UPF2: variants seen among roughly 807,000 people sequenced by gnomAD.
UPF2 encodes the protein regulator of nonsense transcripts 2.
Under a neutral mutation model 141.4 loss-of-function variants are expected in UPF2, and 17 were observed. The ratio of observed to expected loss-of-function variants is 0.12; its 90% CI spans 0.08 to 0.18. The LOEUF is 0.18. Ranked by LOEUF, UPF2 falls within the 10% of genes least tolerant of loss-of-function variation. The pLI, the probability that UPF2 is intolerant of heterozygous loss-of-function variation, is 1.00. For missense variants in UPF2, 1,152 were observed against 1,515.9 expected (o/e 0.76, Z 3.99); for synonymous variants, 540 against 498.0 (o/e 1.08, Z -1.12).
intron 17 of UPF2, 52 bp downstream of exon 17, chr10:11,943,012 A>G: frequency 7.6e-7 from 1 of 1,308,954 alleles, no homozygotes; most frequent in Non-Finnish European, 1.1e-6. Flanking sequence ...AAATTCAAAT[A>G]CTATAAAAAT....
intron 8 of UPF2, among the ~76,000 whole-genome samples, chr10:11,983,578 T>A (rs1833635968): frequency 6.6e-6 from 1 of 152,164 alleles, no homozygotes; most frequent in Admixed American, 6.5e-5. Flanking sequence ...TTCACTGTAT[T>A]AGCCAGGATG....
chr10:11,981,470 A>T (rs1588550863), intron 8 of UPF2, among the ~76,000 whole-genome samples: 1 of 152,324 alleles, frequency 6.6e-6, no homozygotes, highest in Non-Finnish European at 1.5e-5. Flanking sequence ...TACCGCAATA[A>T]TTTTTTAAAA....
rs538512425 is a variant in UPF2 at position 12,019,886 on chromosome 10, G to A, written c.1146-5702C>T. Reference sequence around the variant, plus strand: ...ATTACAGGAGCCTGCCACCACACCCGGCTAATTTTTGTATTTTTAGTAGAG... The same window carrying A: ...ATTACAGGAGCCTGCCACCACACCCAGCTAATTTTTGTATTTTTAGTAGAG... On this transcript the variant is annotated intron_variant, in intron 3 of 21. Transcript: ENST00000357604. This position sits in a 1 kb window ranked among gnomAD's most constrained non-coding sequence, Gnocchi z 4.5. Among the ~76,000 whole-genome samples the A allele has an allele frequency of 7.6e-4, 116 of 152,084 alleles. 1 individual carries two copies. The highest frequency in any genetic ancestry group is 1.9e-3 in the African/African-American group (78 of 41,500).
intron 3 of UPF2, among the ~76,000 whole-genome samples, chr10:12,020,778 T>C (rs915393762): frequency 1.3e-5 from 2 of 152,242 alleles, no homozygotes; most frequent in Admixed American, 6.5e-5. Flanking sequence ...AGCACAGAGA[T>C]GCCAGGTAAC....
At chr10:11,925,602 G>A (rs1303001378) in intron 21 of UPF2, among the ~76,000 whole-genome samples, 1 of 152,286 alleles carries the variant, frequency 6.6e-6, no homozygotes, top group Non-Finnish European at 1.5e-5. Flanking sequence ...ATAGAGACAA[G>A]CTAAGCGGCA....
At chr10:11,951,990 G>T in intron 15 of UPF2, 76 bp downstream of exon 15, 2 of 1,440,078 alleles carry the variant, frequency 1.4e-6, no homozygotes, top group Non-Finnish European at 1.9e-6. Context: ...GCTCTGACTG[G>T]TAACATTATA....
intron 16 of UPF2, among the ~76,000 whole-genome samples, chr10:11,947,387 T>TG (rs1833014132): frequency 6.6e-6 from 1 of 152,194 alleles, no homozygotes; most frequent in South Asian, 2.1e-4. Flanking sequence ...CCATGAGATC[T>TG]GGGAAAAATA....
At chr10:11,944,160 C>G (rs73571339) in intron 16 of UPF2, among the ~76,000 whole-genome samples, 9,691 of 152,138 alleles carry the variant, frequency 0.064, 384 homozygotes, top group Non-Finnish European at 0.092. Flanking sequence ...ACAGTGTATA[C>G]ACAGCTGAAG....
At chr10:12,003,700 T>C (rs1588563501) in intron 5 of UPF2, among the ~76,000 whole-genome samples, 1 of 151,946 alleles carries the variant, frequency 6.6e-6, no homozygotes, top group Non-Finnish European at 1.5e-5. Context: ...CTGAGGCAGG[T>C]GGATCACTTG....
chr10:11,995,806 G>C (rs1833856302), intron 8 of UPF2, among the ~76,000 whole-genome samples: 1 of 152,068 alleles, frequency 6.6e-6, no homozygotes, highest in Non-Finnish European at 1.5e-5. Flanking sequence ...TTTACCAAGA[G>C]TTTGATGCCA....
At position 12,004,676 on chromosome 10, in the gene UPF2, T is replaced by C. The variant is rs1170995956; in HGVS notation, c.1358A>G (p.Asp453Gly). The C allele has an allele frequency of 6.2e-7, 1 of 1,613,838 alleles. No homozygotes were observed. The highest frequency in any genetic ancestry group is 8.5e-7 in the Non-Finnish European group (1 of 1,179,894). The change falls in exon 5 of 22, where the codon GAC becomes GGC. Residue 453 changes from aspartate (D) to glycine (G), a missense_variant. Coordinates refer to ENST00000357604, the MANE Select transcript of UPF2 (RefSeq NM_015542.4). ...ATCTTCCCATATACCACCTTCCAAG[T>C]CATATTCTCCAGGTTTACCAGGTGT... is the stretch of plus-strand genomic sequence containing the variant. ...IFTPGKPGEY[D>G]LEGGIWEDED...
intron 9 of UPF2, among the ~76,000 whole-genome samples, chr10:11,971,856 GAGTTTGAGATC>G (rs1437703959): frequency 6.6e-6 from 1 of 152,004 alleles, no homozygotes; most frequent in East Asian, 1.9e-4. Context: ...TTAAGGTCAG[GAGTTTGAGATC>G]AGCCTGGCCA....
chr10:11,927,332 A>G (rs1318334699), intron 21 of UPF2, among the ~76,000 whole-genome samples: 1 of 152,260 alleles, frequency 6.6e-6, no homozygotes, highest in Non-Finnish European at 1.5e-5. Context: ...TGAACAGGTG[A>G]AGATGATGGA....
chr10:11,963,879 T>A, intron 11 of UPF2, 130 bp downstream of exon 11: 1 of 648,192 alleles, frequency 1.5e-6, no homozygotes, highest in Non-Finnish European at 2.6e-6. Flanking sequence ...TATGGGATGT[T>A]CCACTTTAAG....
Position 11,978,522 on chromosome 10 carries a change from C to T in UPF2, c.1953+535G>A, listed in dbSNP as rs150181317. ...GAGAGGAAGGGAAGCCATCTGGTAA[C>T]AGGCCCCTGTTATTTCCCAGGGTGA... On this transcript the variant is annotated intron_variant, in intron 9 of 21. Transcript: ENST00000357604. 2.6e-5 allele frequency among the ~76,000 whole-genome samples: 4 copies of T among 152,284 alleles called. No homozygotes were observed. In the East Asian group the frequency reaches 7.7e-4, roughly 29 times the overall value.
At chr10:11,967,149 C>A (rs1006507439) in intron 10 of UPF2, among the ~76,000 whole-genome samples, 192 bp downstream of exon 10, 3 of 152,136 alleles carry the variant, frequency 2.0e-5, no homozygotes, top group African/African-American at 7.2e-5. Flanking sequence ...CGTAATTACT[C>A]GTAGAACTGC....
chr10:11,921,172 GT>G lies in UPF2; in HGVS notation c.*125del. 7.5e-7 allele frequency: 1 copy of G among 1,340,680 alleles called. No individual in the cohort carries two copies. The highest frequency in any genetic ancestry group is 2.3e-5 in the East Asian group (1 of 43,586). The allele number at this position is 1,340,680 out of a possible 1,614,324, so 83.0% of individuals were successfully genotyped here. A position where few individuals can be genotyped will look rare whatever the true frequency, so the allele number is the denominator to read the frequency against. ...GCCTCCTGGCCCCAGCCTGTCCCAG[GT>G]TTAGATTCGCAACTCTCTAGACCGA... On this transcript the variant is annotated 3_prime_UTR_variant, in exon 22 of 22. Transcript: ENST00000357604. This position sits in a 1 kb window ranked among gnomAD's most constrained non-coding sequence, Gnocchi z 5.9.
At position 12,011,470 on chromosome 10, in the gene UPF2, T is replaced by C. The variant is rs1448358431; in HGVS notation, c.1306+2554A>G. Among the ~76,000 whole-genome samples the C allele has an allele frequency of 3.3e-5, 5 of 151,766 alleles. No individual in the cohort carries two copies. The East Asian group carries it at 9.7e-4, about 29-fold the overall frequency. On this transcript the variant is annotated intron_variant, in intron 4 of 21. Coordinates refer to ENST00000357604, the MANE Select transcript of UPF2 (RefSeq NM_015542.4). ...AAAATTAGCTGGGCTTGGTGGCGCA[T>C]ATCTGTAGTCCCAGTTATTGCTTGG... is the stretch of plus-strand genomic sequence containing the variant.
chr10:11,999,205 A>G (rs1833913000), intron 7 of UPF2, among the ~76,000 whole-genome samples: 1 of 152,030 alleles, frequency 6.6e-6, no homozygotes, highest in South Asian at 2.1e-4. Flanking sequence ...GCAAATGTCA[A>G]AACAATAAAA....
Sources: allele counts gnomAD v4.1 joint callset (sites outside exome capture counted in the v4.1 genomes callset), GRCh38; gene constraint gnomAD v4.1.1; non-coding constraint Gnocchi (gnomAD v3.1); transcripts MANE v1.5; gene names NCBI Gene and HGNC (gene_info 2026-07-23, HGNC 2026-07-21).